Variants in RPS6KC1 observed in about 807,000 individuals in gnomAD.
RPS6KC1 encodes the protein inactive ribosomal protein S6 kinase delta-1.
Under a neutral mutation model 103.8 loss-of-function variants are expected in RPS6KC1, and 54 were observed. That is an observed-to-expected ratio of 0.52 (90% CI 0.42 to 0.65). The LOEUF is 0.65. RPS6KC1 is among the 30% of genes least tolerant of loss of function. RPS6KC1 has a pLI of 0.00. For synonymous variants in RPS6KC1, 439 were observed against 438.7 expected, an observed-to-expected ratio of 1.00 and a Z score of -0.01; for missense variants, 1,151 against 1,253.8, an observed-to-expected ratio of 0.92 and a Z score of 1.24.
chr1:213,836,703 T>C, the RPS6KC1 span, among the ~76,000 whole-genome samples: 1 of 152,230 alleles, frequency 6.6e-6, no homozygotes, highest in Non-Finnish European at 1.5e-5. Context: ...ATACCTACTA[T>C]TGCCATATGT....
intron 8 of RPS6KC1, among the ~76,000 whole-genome samples, chr1:213,204,331 ATTTCT>A (rs2093270878): frequency 6.6e-6 from 1 of 152,130 alleles, no homozygotes. Flanking sequence ...TATAATGTCA[ATTTCT>A]TTTATCTTTT....
Position 213,117,419 on chromosome 1 carries a change from T to A in RPS6KC1, c.472+9T>A, listed in dbSNP as rs755214273. The A allele has an allele frequency of 4.5e-5, 70 of 1,540,414 alleles. No individual in the cohort carries two copies. Among genetic ancestry groups the A allele is most frequent in the Non-Finnish European group, 6.0e-5 (67 of 1,120,552 alleles). On this transcript the variant is annotated intron_variant, in intron 5 of 14. Coordinates refer to ENST00000366960, the MANE Select transcript of RPS6KC1 (RefSeq NM_012424.6). Reference sequence around the variant, plus strand: ...TGAGTGTAGTACGGAAGGTAAGAGATTTTAATTTTTTTGCATTTCAAAGGT... The same window carrying A: ...TGAGTGTAGTACGGAAGGTAAGAGAATTTAATTTTTTTGCATTTCAAAGGT...
the RPS6KC1 span, among the ~76,000 whole-genome samples, chr1:213,465,773 T>C: frequency 6.6e-6 from 1 of 152,204 alleles, no homozygotes; most frequent in Non-Finnish European, 1.5e-5. Context: ...TTCAATTTCA[T>C]CCTCTCTGGA....
intron 6 of RPS6KC1, among the ~76,000 whole-genome samples, chr1:213,160,095 C>A (rs1183994292): frequency 1.3e-5 from 2 of 152,158 alleles, no homozygotes; most frequent in Non-Finnish European, 2.9e-5. Flanking sequence ...GTAAATTACA[C>A]AGTTCAGCTT....
At chr1:213,412,562 G>C in the RPS6KC1 span, among the ~76,000 whole-genome samples, 1 of 152,208 alleles carries the variant, frequency 6.6e-6, no homozygotes, top group South Asian at 2.1e-4. Flanking sequence ...AAGCTGTAGT[G>C]GGGGCAGATG....
At chr1:213,259,339 C>G (rs1258006889) in intron 12 of RPS6KC1, among the ~76,000 whole-genome samples, 1 of 152,160 alleles carries the variant, frequency 6.6e-6, no homozygotes, top group Non-Finnish European at 1.5e-5. Context: ...GCGGGTGGAT[C>G]GCCTGAGCTC....
At chr1:213,212,400 T>C (rs2093534047) in intron 8 of RPS6KC1, among the ~76,000 whole-genome samples, 1 of 152,226 alleles carries the variant, frequency 6.6e-6, no homozygotes, top group South Asian at 2.1e-4. Flanking sequence ...TCTTCATGCT[T>C]TTCATGGCTT....
the RPS6KC1 span, among the ~76,000 whole-genome samples, chr1:213,374,517 G>A: frequency 6.6e-6 from 1 of 152,122 alleles, no homozygotes; most frequent in Non-Finnish European, 1.5e-5. Flanking sequence ...TCTGATTCTC[G>A]GTGAGAAAAG....
chr1:213,197,299 CTT>C (rs1279470092), intron 8 of RPS6KC1, among the ~76,000 whole-genome samples: 1 of 152,078 alleles, frequency 6.6e-6, no homozygotes, highest in Non-Finnish European at 1.5e-5. Flanking sequence ...TTTTAGGACT[CTT>C]TTTTTCTAGT....
the RPS6KC1 span, among the ~76,000 whole-genome samples, chr1:213,514,955 T>C: frequency 5.9e-5 from 9 of 152,234 alleles, no homozygotes; most frequent in Non-Finnish European, 1.2e-4. Context: ...ACTGTGGTTT[T>C]GATTTGCATT....
the RPS6KC1 span, among the ~76,000 whole-genome samples, chr1:213,289,015 G>T: frequency 6.6e-6 from 1 of 152,034 alleles, no homozygotes; most frequent in Admixed American, 6.6e-5. Flanking sequence ...TTTCCGAAGC[G>T]CATCCTGCTC....
chr1:213,102,008 C>G (rs774282748), intron 3 of RPS6KC1, among the ~76,000 whole-genome samples: 1 of 151,870 alleles, frequency 6.6e-6, no homozygotes, highest in East Asian at 1.9e-4. Flanking sequence ...GATAGGTAAG[C>G]GAGTAGTGTC....
At chr1:213,327,257 A>AAAGAAAGG in the RPS6KC1 span, among the ~76,000 whole-genome samples, 1,829 of 151,946 alleles carry the variant, frequency 0.012, 35 homozygotes, top group African/African-American at 0.042. Context: ...AGAAAGAAAG[A>AAAGAAAGG]AAGAAAGAAG....
At chr1:213,775,435 G>A in the RPS6KC1 span, among the ~76,000 whole-genome samples, 2 of 152,054 alleles carry the variant, frequency 1.3e-5, no homozygotes, top group African/African-American at 4.8e-5. Flanking sequence ...TCACAATAAA[G>A]CCAATATTGC....
chr1:213,731,999 T>C, the RPS6KC1 span, among the ~76,000 whole-genome samples: 8,465 of 152,230 alleles, frequency 0.056, 555 homozygotes, highest in African/African-American at 0.16. Context: ...CTAAGAAAGT[T>C]TGTAACAATA....
the RPS6KC1 span, among the ~76,000 whole-genome samples, chr1:213,561,098 T>C: frequency 1.3e-5 from 2 of 152,170 alleles, no homozygotes; most frequent in East Asian, 3.9e-4. Context: ...ACATATAGGA[T>C]TACCTCAGAG....
the RPS6KC1 span, among the ~76,000 whole-genome samples, chr1:213,429,601 C>G: frequency 6.6e-6 from 1 of 152,148 alleles, no homozygotes; most frequent in African/African-American, 2.4e-5. Context: ...TCTCATAGAC[C>G]TTAGAAAAAC....
chr1:213,610,835 A>C, the RPS6KC1 span, among the ~76,000 whole-genome samples: 2 of 152,236 alleles, frequency 1.3e-5, no homozygotes, highest in Non-Finnish European at 2.9e-5. Context: ...GCAAGGATTC[A>C]GCCAATCAAG....
chr1:213,749,384 T>C, the RPS6KC1 span, among the ~76,000 whole-genome samples: 1 of 152,276 alleles, frequency 6.6e-6, no homozygotes, highest in South Asian at 2.1e-4. Flanking sequence ...AAGAGATTTC[T>C]GGATATAGAA....
Sources: gnomAD v4.1 joint callset for allele counts (sites outside exome capture counted in the v4.1 genomes callset) on GRCh38, gnomAD v4.1.1 for gene constraint, MANE v1.5 for transcripts, NCBI Gene and HGNC (gene_info 2026-07-23, HGNC 2026-07-21) for gene names.